The following CFAP221 variants were observed in gnomAD, a reference collection of about 807,000 sequenced individuals.
CFAP221 encodes the protein cilia- and flagella-associated protein 221.
A neutral mutation model predicts 113.1 loss-of-function variants in CFAP221; 97 were observed. The observed-to-expected ratio is 0.86, with a 90% CI of 0.73 to 1.02. The LOEUF is 1.02. CFAP221 is among the 50% of genes least tolerant of loss of function. The pLI is 0.00. For synonymous variants in CFAP221, 331 were observed against 354.4 expected, an observed-to-expected ratio of 0.93 and a Z score of 0.74; for missense variants, 1,025 against 1,013.4, an observed-to-expected ratio of 1.01 and a Z score of -0.16.
At chr2:119,623,849 A>C (rs1313356638) in intron 14 of CFAP221, among the ~76,000 whole-genome samples, 6 of 152,198 alleles carry the variant, frequency 3.9e-5, no homozygotes, top group African/African-American at 9.7e-5. Context: ...CTTCCTTAAC[A>C]CTTTATACAA....
rs1050339175 is a variant in CFAP221, at chr2:119,605,294, A to G, written c.1133+5A>G. The G allele has an allele frequency of 1.3e-5, 20 of 1,595,428 alleles. No homozygotes were observed. Among genetic ancestry groups the G allele is most frequent in the Non-Finnish European group, 1.7e-5 (20 of 1,163,156 alleles). On this transcript the variant is annotated splice_donor_5th_base_variant and intron_variant, in intron 11 of 23. Coordinates refer to ENST00000413369, the MANE Select transcript of CFAP221 (RefSeq NM_001271049.2). ...GATGGAAAATCATCTTAAGTGGTAA[A>G]TATTGAGCAATTGTTTGTATCAAGT...
At chr2:119,566,738 C>A (rs560625731) in intron 6 of CFAP221, among the ~76,000 whole-genome samples, 14 of 152,340 alleles carry the variant, frequency 9.2e-5, no homozygotes, top group African/African-American at 3.4e-4. Context: ...CCGCACACCC[C>A]ACTCAGAGGC....
intron 21 of CFAP221, among the ~76,000 whole-genome samples, chr2:119,642,343 A>C (rs1349362031): frequency 2.0e-5 from 3 of 152,194 alleles, no homozygotes; most frequent in Admixed American, 6.5e-5. Flanking sequence ...TCGTTTGGGC[A>C]GCTATAATAA....
chr2:119,545,848 G>A lies in CFAP221; in HGVS notation c.-47-237G>A, dbSNP rs544891345. On this transcript the variant is annotated intron_variant, in intron 1 of 23. Coordinates refer to ENST00000413369, the MANE Select transcript of CFAP221 (RefSeq NM_001271049.2). ...GTACATTTCAGGAAAAGCTCCTGGGGAGAATCAAGGACCACAGAAGGGTTT... is the reference window on the plus strand; with the variant it reads ...GTACATTTCAGGAAAAGCTCCTGGGAAGAATCAAGGACCACAGAAGGGTTT... Among the ~76,000 whole-genome samples the A allele has an allele frequency of 5.1e-4, 78 of 152,242 alleles. 1 individual carries two copies. The highest frequency in any genetic ancestry group is 1.8e-3 in the African/African-American group (75 of 41,554).
intron 6 of CFAP221, among the ~76,000 whole-genome samples, chr2:119,567,853 T>TTTTATCTTCCACTA (rs1681760389): frequency 6.6e-6 from 1 of 152,218 alleles, no homozygotes; most frequent in South Asian, 2.1e-4. Flanking sequence ...TTGGTTCTCT[T>TTTTATCTTCCACTA]TTTATCTTCC....
rs140312205 is a variant in CFAP221, at chr2:119,628,559, C to T, written c.1650+773C>T. ...AAACTGAAGCACAAATTCACATAGC[C>T]AGTAACAAAATGTTGCTCGAGTTCA... On this transcript the variant is annotated intron_variant, in intron 16 of 23. Coordinates refer to ENST00000413369, the MANE Select transcript of CFAP221 (RefSeq NM_001271049.2). Among the ~76,000 whole-genome samples, 103 of 152,246 alleles carry T rather than the reference C, an allele frequency of 6.8e-4. No individual in the cohort carries two copies. The East Asian group carries it at 0.012, about 18-fold the overall frequency.
At chr2:119,648,878 C>T (rs1687963688) in intron 22 of CFAP221, among the ~76,000 whole-genome samples, 1 of 152,204 alleles carries the variant, frequency 6.6e-6, no homozygotes, top group Non-Finnish European at 1.5e-5. Flanking sequence ...TTCTGTTAGA[C>T]TGGCGTGAAG....
chr2:119,636,814 C>T (rs1169695857), intron 19 of CFAP221, among the ~76,000 whole-genome samples: 1 of 152,156 alleles, frequency 6.6e-6, no homozygotes, highest in African/African-American at 2.4e-5. Context: ...ATGGGGTGAC[C>T]ACTGAGACCA....
chr2:119,603,709 T>G (rs1305852034), intron 8 of CFAP221, among the ~76,000 whole-genome samples: 2 of 152,352 alleles, frequency 1.3e-5, no homozygotes, highest in African/African-American at 4.8e-5. Flanking sequence ...AAATTGGTAC[T>G]GAACAAATAA....
At chr2:119,562,855 A>G (rs1228044574) in intron 6 of CFAP221, among the ~76,000 whole-genome samples, 1 of 152,138 alleles carries the variant, frequency 6.6e-6, no homozygotes, top group Non-Finnish European at 1.5e-5. Context: ...CTAATCCCTT[A>G]TGTCAAATGG....
chr2:119,632,270 G>T (rs575837029), intron 19 of CFAP221, among the ~76,000 whole-genome samples: 4 of 152,184 alleles, frequency 2.6e-5, no homozygotes, highest in Admixed American at 2.6e-4. Flanking sequence ...ACAAAATTTT[G>T]ATAAATCAAA....
intron 6 of CFAP221, among the ~76,000 whole-genome samples, chr2:119,574,041 G>T (rs1243169479): frequency 6.6e-6 from 1 of 152,160 alleles, no homozygotes; most frequent in Non-Finnish European, 1.5e-5. Flanking sequence ...CTAGACTTGT[G>T]GTTCCTAGAG....
Position 119,638,254 on chromosome 2 carries a change from G to T in CFAP221, c.1975-5G>T, listed in dbSNP as rs199818768. The T allele has an allele frequency of 1.2e-6, 2 of 1,613,676 alleles. No individual in the cohort carries two copies. The highest frequency in any genetic ancestry group is 1.7e-6 in the Non-Finnish European group (2 of 1,179,814). ...AAAAGAATATTTTTTCCCTGTCTTC[G>T]GCAGAATCCCAACCCAGGATTATTT... On this transcript the variant is annotated splice_polypyrimidine_tract_variant and splice_region_variant and intron_variant, in intron 19 of 23. Coordinates refer to ENST00000413369, the MANE Select transcript of CFAP221 (RefSeq NM_001271049.2).
intron 3 of CFAP221, among the ~76,000 whole-genome samples, chr2:119,553,993 G>A (rs1225668733): frequency 1.3e-5 from 2 of 152,104 alleles, no homozygotes; most frequent in Non-Finnish European, 2.9e-5. Flanking sequence ...ATACTGCTTC[G>A]ATCAGACATT....
At chr2:119,641,900 G>A (rs1687512698) in intron 21 of CFAP221, among the ~76,000 whole-genome samples, 1 of 152,176 alleles carries the variant, frequency 6.6e-6, no homozygotes, top group Non-Finnish European at 1.5e-5. Context: ...GGTGAGAAGT[G>A]GCGACCCGCT....
chr2:119,654,630 A>G (rs1157775772), intron 23 of CFAP221, among the ~76,000 whole-genome samples: 1 of 152,168 alleles, frequency 6.6e-6, no homozygotes, highest in East Asian at 1.9e-4. Context: ...TTTTTTACGT[A>G]TTTTTAGTAC....
downstream of CFAP221, among the ~76,000 whole-genome samples, chr2:119,659,737 T>C (rs898805295): frequency 2.6e-5 from 4 of 152,246 alleles, no homozygotes; most frequent in Non-Finnish European, 4.4e-5. Context: ...CCTGGGCCTC[T>C]GCACATGCTA....
At chr2:119,626,198 T>C (rs73948909) in intron 15 of CFAP221, among the ~76,000 whole-genome samples, 198 of 152,264 alleles carry the variant, frequency 1.3e-3, no homozygotes, top group African/African-American at 4.6e-3. Flanking sequence ...GTTTCCTTCC[T>C]ATGCAGACTC....
intron 19 of CFAP221, among the ~76,000 whole-genome samples, chr2:119,633,825 G>C (rs191181876): frequency 2.4e-4 from 37 of 152,294 alleles, no homozygotes; most frequent in African/African-American, 8.2e-4. Flanking sequence ...AACACAGTAA[G>C]TGTTAAGGAA....
Sources: allele counts gnomAD v4.1 joint callset (sites outside exome capture counted in the v4.1 genomes callset), GRCh38; gene constraint gnomAD v4.1.1; transcripts MANE v1.5; gene names NCBI Gene and HGNC (gene_info 2026-07-23, HGNC 2026-07-21).